ADGRF1: variants seen among roughly 807,000 people sequenced by gnomAD.
The protein encoded by ADGRF1 is G protein-coupled receptor 110.
A neutral mutation model predicts 87.2 loss-of-function variants in ADGRF1; 85 were observed. The ratio of observed to expected loss-of-function variants is 0.97; its 90% CI spans 0.82 to 1.17. ADGRF1 has a LOEUF of 1.17. Among genes scored for constraint, ADGRF1 ranks in the 50% most tolerant of loss-of-function variants. The pLI is 0.00. For synonymous variants in ADGRF1, 430 were observed against 408.8 expected (o/e 1.05, Z -0.63); for missense variants, 1,169 against 1,077.2 (o/e 1.09, Z -1.19).
intron 14 of ADGRF1, 47 bp downstream of exon 14, chr6:47,001,454 A>G (rs1316891641): frequency 1.4e-6 from 2 of 1,480,948 alleles, no homozygotes; most frequent in Admixed American, 1.7e-5. Flanking sequence ...ATATACTCAT[A>G]TACTCTTTTC....
chr6:47,025,085 T>C (rs1780185795), intron 4 of ADGRF1, among the ~76,000 whole-genome samples: 1 of 152,236 alleles, frequency 6.6e-6, no homozygotes, highest in African/African-American at 2.4e-5. Flanking sequence ...AAAGTTTCTC[T>C]AGTAGCAATC....
rs753572080 is a variant in ADGRF1, at chr6:47,007,286, A to T, written c.2499T>A (p.Phe833Leu). ...FALLNAFQGF[F>L]ILCFGILLDS... ...CCAAGAGTATTCCAAAGCATAAGAT[A>T]AAAAATCCCTTTAAAAAGAAAGGAA... The change falls in exon 12 of 15, where the codon TTT (phenylalanine) becomes TTA (leucine). Residue 833 changes from phenylalanine (F) to leucine (L), a missense_variant. Transcript: ENST00000371253. 2.0e-6 allele frequency: 3 copies of T among 1,535,730 alleles called. No homozygotes were observed. Among genetic ancestry groups the T allele is most frequent in the Non-Finnish European group, 2.7e-6 (3 of 1,110,898 alleles).
chr6:47,039,889 G>C (rs755573910), intron 1 of ADGRF1, among the ~76,000 whole-genome samples: 1 of 152,124 alleles, frequency 6.6e-6, no homozygotes, highest in Non-Finnish European at 1.5e-5. Context: ...TAGAACCTGG[G>C]ATGTGGAGGT....
At position 47,040,336 on chromosome 6, in the gene ADGRF1, G is replaced by T. The variant is rs139443414; in HGVS notation, c.-44+1855C>A. ...AAATACAAAAAATTAGCCAGGCATG[G>T]TGGTGGATGCCTGTAGTCCCAGCTA... On this transcript the variant is annotated intron_variant, in intron 1 of 14. Transcript: ENST00000371253. Among the ~76,000 whole-genome samples, 3 of 152,262 alleles carry T rather than the reference G, an allele frequency of 2.0e-5. No individual in the cohort carries two copies. The East Asian group carries it at 5.8e-4, about 29-fold the overall frequency.
chr6:47,031,265 C>A (rs1237383175), intron 1 of ADGRF1, among the ~76,000 whole-genome samples: 3 of 150,952 alleles, frequency 2.0e-5, no homozygotes, highest in Admixed American at 2.0e-4. Flanking sequence ...GTGTCTCTCT[C>A]TCTCTTCTCT....
At chr6:47,001,765 T>C in intron 13 of ADGRF1, 198 bp from the exon 14 acceptor site, 1 of 498,058 alleles carries the variant, frequency 2.0e-6, no homozygotes, top group Non-Finnish European at 3.6e-6. Context: ...AAAATTTATT[T>C]TCAAGTGAAT....
chr6:47,017,241 G>A (rs2113889744), intron 7 of ADGRF1: 1 of 152,198 alleles, frequency 6.6e-6, no homozygotes, highest in East Asian at 1.9e-4. Flanking sequence ...ATATTGGAGT[G>A]GTACCAGGAG....
chr6:47,017,160 C>A (rs893415797), intron 7 of ADGRF1: 3 of 152,276 alleles, frequency 2.0e-5, no homozygotes, highest in Non-Finnish European at 4.4e-5. Flanking sequence ...CGGGAAAATG[C>A]CTGTGAGTTT....
chr6:47,012,420 G>A (rs1478711522), intron 9 of ADGRF1: 1 of 736,154 alleles, frequency 1.4e-6, no homozygotes. Context: ...AACATCCTTT[G>A]AGGGAGGTAC....
chr6:47,009,756 G>A lies in ADGRF1; in HGVS notation c.1679C>T (p.Thr560Met), dbSNP rs144411523. Residue 560 changes from threonine (T) to methionine (M), a missense_variant, in exon 11 of 15, where the codon ACG becomes ATG. Coordinates refer to ENST00000371253, the MANE Select transcript of ADGRF1 (RefSeq NM_153840.4). ...GGAGGTCAAGTGAGTACATTGGCACGTCACGATGTCTTGAGTTTCATTCAC... is the reference window on the plus strand; with the variant it reads ...GGAGGTCAAGTGAGTACATTGGCACATCACGATGTCTTGAGTTTCATTCAC... ...HLVNETQDIV[T>M]CQCTHLTSFS... The A allele has an allele frequency of 3.3e-5, 54 of 1,614,038 alleles. No homozygotes were observed. Among genetic ancestry groups the A allele is most frequent in the Admixed American group, 2.2e-4 (13 of 60,006 alleles).
chr6:47,010,400 G>T, intron 10 of ADGRF1, 82 bp from the exon 11 acceptor site: 1 of 1,171,646 alleles, frequency 8.5e-7, no homozygotes, highest in Non-Finnish European at 1.2e-6. Context: ...TTAGCATTAA[G>T]AATAGGAAAA....
intron 14 of ADGRF1, 35 bp from the exon 15 acceptor site, chr6:47,000,330 A>G (rs1779326755): frequency 6.7e-7 from 1 of 1,488,930 alleles, no homozygotes. Flanking sequence ...AATTATTGTT[A>G]CTCTGTTGAA....
intron 9 of ADGRF1, chr6:47,014,243 T>C (rs2113886129): frequency 1.0e-6 from 1 of 986,174 alleles, no homozygotes; most frequent in Non-Finnish European, 1.2e-6. Flanking sequence ...TTTTATATGG[T>C]TCACCTTTGT....
chr6:47,016,363 G>A lies in ADGRF1; in HGVS notation c.763+254C>T, dbSNP rs113275748. Among the ~76,000 whole-genome samples the A allele has an allele frequency of 6.8e-3, 1,039 of 152,274 alleles. 13 individuals carry two copies. The highest frequency in any genetic ancestry group is 0.022 in the African/African-American group (917 of 41,558). ...TGCTGAGCCCTTTCCATCACAGCCT[G>A]CAGTGAAGTCAGTTCTCCACACTGT... On this transcript the variant is annotated intron_variant, in intron 8 of 14. Transcript: ENST00000371253.
intron 7 of ADGRF1, chr6:47,019,179 T>C (rs1397327911): frequency 3.3e-6 from 2 of 605,864 alleles, no homozygotes; most frequent in Non-Finnish European, 2.1e-6. Context: ...TTATAAGATA[T>C]GCATGATAGA....
In ADGRF1 at chr6:47,025,946, T is replaced by G. The variant is rs374642613; in HGVS notation, c.185A>C (p.Lys62Thr). 42 of 1,611,892 alleles carry G rather than the reference T, an allele frequency of 2.6e-5. No homozygotes were observed. Among genetic ancestry groups the G allele is most frequent in the Non-Finnish European group, 3.6e-5 (42 of 1,179,394 alleles). Residue 62 changes from lysine to threonine, a missense_variant, in exon 4 of 15, where the codon AAA (lysine) becomes ACA (threonine). By Grantham distance (78) the Lys-to-Thr change is moderately conservative (BLOSUM62 -1). Transcript: ENST00000371253. ...LQVTYRDSKE[K>T]RDLRNFLKLL... ...CTTCAGAAAATTTCTCAAATCTCTT[T>G]TCTCCTTGGAATCTCTATAGGTCAC...
chr6:47,026,081 A>G (rs1780224638), intron 3 of ADGRF1, 78 bp from the exon 4 acceptor site: 3 of 1,315,628 alleles, frequency 2.3e-6, no homozygotes, highest in African/African-American at 1.5e-5. Flanking sequence ...CTGAGAAACA[A>G]TCATCAAATT....
intron 9 of ADGRF1, chr6:47,013,426 G>A: frequency 1.0e-6 from 1 of 985,470 alleles, no homozygotes; most frequent in South Asian, 4.7e-5. Flanking sequence ...GTCCTCTGAT[G>A]AATACTATTC....
At chr6:47,035,048 C>T (rs372347666) in intron 1 of ADGRF1, among the ~76,000 whole-genome samples, 5 of 152,286 alleles carry the variant, frequency 3.3e-5, no homozygotes, top group African/African-American at 1.2e-4. Flanking sequence ...GCTCAGTATG[C>T]CTTCTGGCAT....
Sources: gnomAD v4.1 joint callset for allele counts (sites outside exome capture counted in the v4.1 genomes callset) on GRCh38, gnomAD v4.1.1 for gene constraint, MANE v1.5 for transcripts, NCBI Gene and HGNC (gene_info 2026-07-23, HGNC 2026-07-21) for gene names.